Variants in POM121 observed in about 807,000 individuals in gnomAD.
POM121 encodes the protein POM121 transmembrane nucleoporin, also known as nuclear envelope pore membrane protein POM 121.
In POM121, 32 loss-of-function variants were observed where a neutral mutation model predicts 81.3. The ratio of observed to expected loss-of-function variants is 0.39; its 90% CI spans 0.30 to 0.53. The LOEUF (loss-of-function observed/expected upper bound fraction) is 0.53. Among genes scored for constraint, POM121 ranks in the 20% least tolerant of loss-of-function variants. The pLI, the probability that POM121 is intolerant of heterozygous loss-of-function variation, is 0.66. For synonymous variants in POM121, 514 were observed against 694.2 expected (o/e 0.74, Z 4.08); for missense variants, 1,138 against 1,614.6 (o/e 0.70, Z 5.06).
At chr7:72,911,955 G>A (rs1208280036) in intron 3 of POM121, among the ~76,000 whole-genome samples, 2 of 152,196 alleles carry the variant, frequency 1.3e-5, no homozygotes, top group Non-Finnish European at 2.9e-5. Context: ...GCAGTGGAGC[G>A]ATCATACCTC....
At chr7:72,941,177 A>T (rs1349951364) in intron 10 of POM121, among the ~76,000 whole-genome samples, 184 bp downstream of exon 10, 1 of 150,174 alleles carries the variant, frequency 6.7e-6, no homozygotes, top group African/African-American at 2.4e-5. Context: ...GTGTTAGAGA[A>T]GGGGTGCTGC....
chr7:72,900,879 T>C (rs1792549760), intron 3 of POM121, among the ~76,000 whole-genome samples: 1 of 152,018 alleles, frequency 6.6e-6, no homozygotes, highest in African/African-American at 2.4e-5. Context: ...TTTCTTAAAA[T>C]GGAAGCTCAG....
Position 72,943,496 on chromosome 7 carries a change from C to T in POM121, c.3503C>T (p.Thr1168Ile), listed in dbSNP as rs782188803. ...CCGTTTGCCTTCAACGTGAGCAGCA[C>T]AACTGAGAGCAAACCTGTGTTTGGA... is the stretch of plus-strand genomic sequence containing the variant. Reference protein sequence around the residue: ...STPFAFNVSSTTESKPVFGGT... With the variant: ...STPFAFNVSSITESKPVFGGT... Residue 1168 changes from threonine to isoleucine, a missense_variant, in exon 11 of 13, where the codon ACA (threonine) becomes ATA (isoleucine). Thr to Ile is a moderately conservative substitution (Grantham distance 89). Around this residue, in one of 7 missense-constraint regions of POM121, gnomAD observed 336 missense variants for 344.3 expected, o/e 0.98. Transcript: ENST00000434423. 3.1e-6 allele frequency: 5 copies of T among 1,612,384 alleles called. No individual in the cohort carries two copies. Among genetic ancestry groups the T allele is most frequent in the East Asian group, 4.5e-5 (2 of 44,862 alleles).
Position 72,929,988 on chromosome 7 carries a change from C to G in POM121, c.1152C>G (p.His384Gln), listed in dbSNP as rs1554498250. ...TCAATTCTCAGAGCTCAGATGACCA[C>G]TTGAATAAGAGATCCCGAAGCTCTT... ...RGLNSQSSDD[H>Q]LNKRSRSSSM... Residue 384 changes from histidine to glutamine, a missense_variant, in exon 5 of 13, where the codon CAC (histidine) becomes CAG (glutamine). This residue lies in a region of POM121 where 646 missense variants were observed against 633.5 expected (regional missense o/e 1.02). Coordinates refer to ENST00000434423, the MANE Select transcript of POM121 (RefSeq NM_001387691.1). The G allele has an allele frequency of 1.2e-6, 2 of 1,613,942 alleles. No homozygotes were observed. The highest frequency in any genetic ancestry group is 1.1e-5 in the South Asian group (1 of 91,082).
At chr7:72,900,145 T>C (rs1238893092) in intron 3 of POM121, among the ~76,000 whole-genome samples, 1 of 152,244 alleles carries the variant, frequency 6.6e-6, no homozygotes, top group Non-Finnish European at 1.5e-5. Flanking sequence ...TGATGGCATT[T>C]GGATAATCAG....
At chr7:72,920,638 G>A (rs1358199311), upstream of POM121, among the ~76,000 whole-genome samples, 1 of 152,128 alleles carries the variant, frequency 6.6e-6, no homozygotes, top group Non-Finnish European at 1.5e-5. Context: ...ACAGGCGTGA[G>A]CCACCGTGCC....
intron 4 of POM121, among the ~76,000 whole-genome samples, chr7:72,915,674 CT>C (rs1794227356): frequency 6.6e-6 from 1 of 151,978 alleles, no homozygotes; most frequent in South Asian, 2.1e-4. Flanking sequence ...TGCGCCCAAG[CT>C]TTTTGTTTGT....
intron 4 of POM121, among the ~76,000 whole-genome samples, chr7:72,918,249 G>A (rs190354025): frequency 1.3e-5 from 2 of 152,118 alleles, no homozygotes; most frequent in Non-Finnish European, 2.9e-5. Context: ...CCGGGGAAAG[G>A]GAGACTCCCT....
Position 72,942,044 on chromosome 7 carries a change from C to CAA in POM121, c.2052_2053insAA (p.Glu685LysfsTer157). The CAA allele has an allele frequency of 6.2e-7, 1 of 1,604,866 alleles. No homozygotes were observed. Among genetic ancestry groups the CAA allele is most frequent in the South Asian group, 1.1e-5 (1 of 90,478 alleles). On this transcript the variant is annotated frameshift_variant, in exon 11 of 13. Transcript: ENST00000434423. LOFTEE classifies it high-confidence loss of function. ...ACCAAGGCACCTCCAACCCTTCAGG[C>CAA]AGAGACGGCTACCAAACCCCAAGCC...
chr7:72,882,913 C>T (rs1554489512), intron 1 of POM121, among the ~76,000 whole-genome samples: 2 of 152,240 alleles, frequency 1.3e-5, no homozygotes, highest in African/African-American at 4.8e-5. Flanking sequence ...GACCCTTTGT[C>T]TGCCTTTGAC....
intron 4 of POM121, among the ~76,000 whole-genome samples, chr7:72,919,271 C>T (rs1464714869): frequency 1.4e-5 from 2 of 144,372 alleles, no homozygotes; most frequent in African/African-American, 5.2e-5. Context: ...CTGTCTTACT[C>T]TGCCCTTTTG....
chr7:72,912,772 C>T (rs1554494483), intron 3 of POM121, among the ~76,000 whole-genome samples: 1 of 152,058 alleles, frequency 6.6e-6, no homozygotes, highest in Non-Finnish European at 1.5e-5. Flanking sequence ...AGCAAGACTC[C>T]GTTTCAAAAC....
intron 12 of POM121, among the ~76,000 whole-genome samples, 177 bp downstream of exon 12, chr7:72,945,885 G>T (rs1297913814): frequency 5.3e-5 from 8 of 152,114 alleles, no homozygotes; most frequent in African/African-American, 1.9e-4. Flanking sequence ...GATCAGAGAG[G>T]AGCTGTCCGG....
In POM121 at chr7:72,919,398, G is replaced by A. The variant is rs1586132405; in HGVS notation, c.-152+5570G>A. Among the ~76,000 whole-genome samples the A allele has an allele frequency of 2.0e-5, 3 of 151,870 alleles. No homozygotes were observed. The East Asian group carries it at 5.8e-4, about 29-fold the overall frequency. The stretch of plus-strand genomic sequence containing the variant: ...GTCATTCCTTTCATTCCTTTGTGTA[G>A]ATCCAGATTTCCATCTGGTATTTTT... On this transcript the variant is annotated intron_variant, in intron 4 of 15. Coordinates refer to the POM121 transcript ENST00000395270.
intron 4 of POM121, among the ~76,000 whole-genome samples, chr7:72,919,795 A>G (rs1794631890): frequency 6.6e-6 from 1 of 152,200 alleles, no homozygotes; most frequent in African/African-American, 2.4e-5. Context: ...CTTCGCTAAA[A>G]TATATTTTCA....
intron 4 of POM121, among the ~76,000 whole-genome samples, chr7:72,917,590 C>T (rs1441440198): frequency 1.3e-5 from 2 of 152,194 alleles, no homozygotes; most frequent in Non-Finnish European, 1.5e-5. Flanking sequence ...GCTACCATCA[C>T]GAAATGCCAC....
chr7:72,921,944 A>G (rs1364753022), upstream of POM121, among the ~76,000 whole-genome samples: 1 of 152,192 alleles, frequency 6.6e-6, no homozygotes, highest in East Asian at 1.9e-4. Flanking sequence ...TATAGGATAC[A>G]TACTTCTTCA....
At chr7:72,899,331 G>T (rs145946874) in intron 3 of POM121, among the ~76,000 whole-genome samples, 5 of 152,148 alleles carry the variant, frequency 3.3e-5, no homozygotes, top group Admixed American at 6.6e-5. Flanking sequence ...TCACACATAG[G>T]TAGGTGCTCA....
upstream of POM121, among the ~76,000 whole-genome samples, chr7:72,921,246 C>T (rs1487662891): frequency 2.6e-5 from 4 of 152,120 alleles, no homozygotes; most frequent in Non-Finnish European, 4.4e-5. Flanking sequence ...CCTTTATAGA[C>T]ACACCCATAA....
Sources: allele counts gnomAD v4.1 joint callset (sites outside exome capture counted in the v4.1 genomes callset), GRCh38; gene constraint gnomAD v4.1.1; regional missense constraint gnomAD v4.1.1; transcripts MANE v1.5; gene names NCBI Gene and HGNC (gene_info 2026-07-23, HGNC 2026-07-21).